SHISA9: variants seen among roughly 807,000 people sequenced by gnomAD.
SHISA9 encodes the protein shisa family member 9, also known as protein shisa-9.
A neutral mutation model predicts 38.0 loss-of-function variants in SHISA9; 13 were observed. The observed-to-expected ratio is 0.34, with a 90% CI of 0.22 to 0.54. The LOEUF is 0.54. Ranked by LOEUF, SHISA9 falls within the 20% of genes least tolerant of loss-of-function variation. SHISA9 has a pLI of 0.91. For missense variants in SHISA9, 538 were observed against 575.8 expected, an observed-to-expected ratio of 0.93 and a Z score of 0.67; for synonymous variants, 275 against 242.0, an observed-to-expected ratio of 1.14 and a Z score of -1.27.
chr16:13,519,096 C>T, the SHISA9 span, among the ~76,000 whole-genome samples: 2 of 151,680 alleles, frequency 1.3e-5, no homozygotes, highest in Non-Finnish European at 2.9e-5. Flanking sequence ...TTATTTATCA[C>T]AAAAAAGAGA....
chr16:13,509,727 A>G, the SHISA9 span, among the ~76,000 whole-genome samples: 1 of 152,180 alleles, frequency 6.6e-6, no homozygotes, highest in African/African-American at 2.4e-5. Flanking sequence ...TCACTTATTA[A>G]TGACCCACTG....
intron 1 of SHISA9, chr16:12,911,181 G>C (rs1199083190): frequency 1.1e-6 from 1 of 896,020 alleles, no homozygotes; most frequent in Non-Finnish European, 1.3e-6. Flanking sequence ...GCTTGGGCAC[G>C]ATCTCAGGCC....
Position 13,240,249 on chromosome 16 carries a change from C to G in SHISA9, c.*4840C>G, listed in dbSNP as rs1167977330. The stretch of plus-strand genomic sequence containing the variant: ...GTAACCGTATGTTCTGCAAGTAAAC[C>G]TGTGTTAATACTTGTCAACAACTGC... On this transcript the variant is annotated 3_prime_UTR_variant, in exon 5 of 5. Transcript: ENST00000558583. 1.3e-5 allele frequency: 2 copies of G among 152,188 alleles called. No homozygotes were observed. Among genetic ancestry groups the G allele is most frequent in the African/African-American group, 4.8e-5 (2 of 41,450 alleles). 9.4% of individuals were successfully genotyped at this position (152,188 alleles called of 1,614,324 possible). A position where few individuals can be genotyped will look rare whatever the true frequency, so the allele number is the denominator to read the frequency against.
Position 12,980,652 on chromosome 16 carries a change from C to T in SHISA9, c.691+63837C>T, listed in dbSNP as rs1480988458. ...TCATTATTTCTTAAAATATTTACTC[C>T]TACTTTTATTTCTCTTTCTGGGAGT... is the stretch of plus-strand genomic sequence containing the variant. On this transcript the variant is annotated intron_variant, in intron 2 of 4. Transcript: ENST00000558583. Among the ~76,000 whole-genome samples the T allele has an allele frequency of 6.6e-5, 10 of 151,470 alleles. No homozygotes were observed. The East Asian group carries it at 1.9e-3, about 29-fold the overall frequency.
At chr16:13,251,462 G>C in the SHISA9 span, among the ~76,000 whole-genome samples, 2 of 152,176 alleles carry the variant, frequency 1.3e-5, no homozygotes, top group Admixed American at 1.3e-4. Context: ...AAACCTGGAA[G>C]TGTGAGAGGG....
chr16:13,442,019 TG>T, the SHISA9 span, among the ~76,000 whole-genome samples: 30 of 152,310 alleles, frequency 2.0e-4, no homozygotes, highest in African/African-American at 7.2e-4. Context: ...ATAATGAAAG[TG>T]ATGGAGCTTC....
the SHISA9 span, among the ~76,000 whole-genome samples, chr16:13,378,340 A>G: frequency 2.6e-5 from 4 of 152,248 alleles, no homozygotes; most frequent in African/African-American, 9.6e-5. Context: ...ATTCTTAGGC[A>G]AGCTCTCTCC....
chr16:13,112,789 TC>T (rs2073992400), intron 2 of SHISA9, among the ~76,000 whole-genome samples: 1 of 152,132 alleles, frequency 6.6e-6, no homozygotes, highest in African/African-American at 2.4e-5. Flanking sequence ...GGTTCATGGC[TC>T]CCACTCGCCT....
At chr16:13,502,093 G>T in the SHISA9 span, among the ~76,000 whole-genome samples, 1 of 152,202 alleles carries the variant, frequency 6.6e-6, no homozygotes, top group East Asian at 1.9e-4. Flanking sequence ...TAAATGAATG[G>T]GTGGATGAAA....
chr16:13,335,845 C>T, the SHISA9 span, among the ~76,000 whole-genome samples: 1 of 152,138 alleles, frequency 6.6e-6, no homozygotes, highest in Non-Finnish European at 1.5e-5. Context: ...GGTGCTTCTG[C>T]CTTGTACCCC....
the SHISA9 span, among the ~76,000 whole-genome samples, chr16:13,294,417 C>A: frequency 6.6e-6 from 1 of 152,174 alleles, no homozygotes; most frequent in Admixed American, 6.5e-5. Flanking sequence ...TCTTCCTGGA[C>A]CAGCATATAG....
At chr16:13,221,103 C>T (rs898693260) in intron 4 of SHISA9, among the ~76,000 whole-genome samples, 3 of 152,052 alleles carry the variant, frequency 2.0e-5, no homozygotes, top group African/African-American at 7.2e-5. Flanking sequence ...AAGGGCCAGG[C>T]TCCTGGACGC....
intron 2 of SHISA9, chr16:13,197,642 TG>T: frequency 6.6e-6 from 1 of 152,208 alleles, no homozygotes; most frequent in Non-Finnish European, 1.5e-5. Context: ...ATTTGTCGTT[TG>T]TGGACCAAGG....
At chr16:13,140,299 C>G (rs138811941) in intron 2 of SHISA9, among the ~76,000 whole-genome samples, 2 of 151,844 alleles carry the variant, frequency 1.3e-5, no homozygotes, top group Admixed American at 6.6e-5. Flanking sequence ...GTCTCAGCCT[C>G]CTGAGTAGCT....
At chr16:13,203,692 T>C in intron 3 of SHISA9, 143 bp downstream of exon 3, 1 of 894,574 alleles carries the variant, frequency 1.1e-6, no homozygotes, top group Non-Finnish European at 1.6e-6. Context: ...TCTCTGCCTC[T>C]ATCTCATTTT....
At chr16:13,290,468 C>G in the SHISA9 span, among the ~76,000 whole-genome samples, 5 of 151,896 alleles carry the variant, frequency 3.3e-5, no homozygotes, top group African/African-American at 1.2e-4. Flanking sequence ...CAAAACAGAC[C>G]TTCTGCACTA....
At chr16:13,033,348 A>T (rs1382505996) in intron 2 of SHISA9, among the ~76,000 whole-genome samples, 1 of 152,218 alleles carries the variant, frequency 6.6e-6, no homozygotes, top group East Asian at 1.9e-4. Flanking sequence ...AATACTGGAC[A>T]GGCAAAACCA....
chr16:13,310,315 A>G, the SHISA9 span, among the ~76,000 whole-genome samples: 2 of 151,996 alleles, frequency 1.3e-5, no homozygotes, highest in Non-Finnish European at 2.9e-5. Context: ...TTTTTTTTCT[A>G]CTATGAAACA....
intron 4 of SHISA9, among the ~76,000 whole-genome samples, chr16:13,230,338 G>C (rs775661963): frequency 6.6e-6 from 1 of 152,096 alleles, no homozygotes; most frequent in Non-Finnish European, 1.5e-5. Flanking sequence ...AACAAGGCAA[G>C]GAGGCCAGTT....
Sources: allele counts gnomAD v4.1 joint callset (sites outside exome capture counted in the v4.1 genomes callset), GRCh38; gene constraint gnomAD v4.1.1; transcripts MANE v1.5; gene names NCBI Gene and HGNC (gene_info 2026-07-23, HGNC 2026-07-21).